FSTL4: variants seen among roughly 807,000 people sequenced by gnomAD.
FSTL4 encodes follistatin like 4.
In FSTL4, 28 loss-of-function variants were observed where a neutral mutation model predicts 78.2. That is an observed-to-expected ratio of 0.36 (90% CI 0.27 to 0.49). The LOEUF (loss-of-function observed/expected upper bound fraction) is 0.49. Among genes scored for constraint, FSTL4 ranks in the 20% least tolerant of loss-of-function variants. The probability of loss-of-function intolerance (pLI) is 0.98; values close to 1 mark genes in which losing one functional copy is unlikely to be tolerated. For missense variants in FSTL4, 922 were observed against 1,084.9 expected, an observed-to-expected ratio of 0.85 and a Z score of 2.11; for synonymous variants, 422 against 440.5, an observed-to-expected ratio of 0.96 and a Z score of 0.53.
intron 3 of FSTL4, among the ~76,000 whole-genome samples, chr5:133,526,625 T>G: frequency 6.6e-6 from 1 of 152,236 alleles, no homozygotes; most frequent in Admixed American, 6.5e-5. Flanking sequence ...CCAACTGAGC[T>G]GGCCAGTGGT....
At chr5:133,793,079 C>T in the FSTL4 span, among the ~76,000 whole-genome samples, 5 of 152,140 alleles carry the variant, frequency 3.3e-5, no homozygotes, top group Admixed American at 6.5e-5. Flanking sequence ...TTAAAATACA[C>T]GGTGTGCTTT....
chr5:133,254,995 G>A (rs1457195923), intron 6 of FSTL4, among the ~76,000 whole-genome samples: 3 of 152,352 alleles, frequency 2.0e-5, no homozygotes, highest in East Asian at 3.9e-4. Context: ...GATGCCACAT[G>A]CAGCCCTCTA....
chr5:133,305,020 C>T lies in FSTL4; in HGVS notation c.727+7634G>A, dbSNP rs1235916303. Among the ~76,000 whole-genome samples the T allele has an allele frequency of 2.6e-5, 4 of 152,308 alleles. No homozygotes were observed. In the East Asian group the frequency reaches 7.7e-4, roughly 29 times the overall value. On this transcript the variant is annotated intron_variant, in intron 6 of 15. Coordinates refer to ENST00000265342, the MANE Select transcript of FSTL4 (RefSeq NM_015082.2). ...CAGCTGTGTTTCTGTCTTTATATAG[C>T]AAGGGAGAGCCAAAAAGGACAGAGT...
intron 4 of FSTL4, among the ~76,000 whole-genome samples, chr5:133,329,068 G>A (rs1172629370): frequency 2.0e-5 from 3 of 152,166 alleles, no homozygotes; most frequent in African/African-American, 4.8e-5. Flanking sequence ...CTTCCTCCGC[G>A]AGTGATCAAG....
At chr5:133,362,502 C>T (rs201231067) in intron 4 of FSTL4, among the ~76,000 whole-genome samples, 19 of 152,332 alleles carry the variant, frequency 1.2e-4, no homozygotes, top group Non-Finnish European at 1.9e-4. Flanking sequence ...TGTTCACTTG[C>T]GTTTTTTGAT....
rs2126822773 is a variant in FSTL4, at chr5:133,249,584, G to A, written c.728-8C>T. ...GGCTGAGCTGAACCACTTCTGCAGA[G>A]GGAAAGGAGGAGGCACGGTCAGGTG... is the stretch of plus-strand genomic sequence containing the variant. On this transcript the variant is annotated splice_polypyrimidine_tract_variant and splice_region_variant and intron_variant, in intron 6 of 15. Transcript: ENST00000265342. 6.2e-7 allele frequency: 1 copy of A among 1,604,916 alleles called. No homozygotes were observed.
chr5:133,810,800 C>A, the FSTL4 span, among the ~76,000 whole-genome samples: 1 of 152,190 alleles, frequency 6.6e-6, no homozygotes, highest in South Asian at 2.1e-4. Flanking sequence ...CTGTTCCTCA[C>A]TGCACATGTG....
intron 3 of FSTL4, among the ~76,000 whole-genome samples, chr5:133,451,715 A>C (rs1757387364): frequency 6.6e-6 from 1 of 152,222 alleles, no homozygotes; most frequent in South Asian, 2.1e-4. Context: ...GAGCAGCCTC[A>C]TCTCAGAGAT....
intron 3 of FSTL4, among the ~76,000 whole-genome samples, chr5:133,475,394 G>T (rs1431726922): frequency 6.6e-6 from 1 of 152,192 alleles, no homozygotes; most frequent in African/African-American, 2.4e-5. Flanking sequence ...GGCCAGGAGG[G>T]TTTTCCAGGG....
chr5:133,445,388 GCTCCCTC>G (rs1757242347), intron 3 of FSTL4, among the ~76,000 whole-genome samples: 1 of 152,114 alleles, frequency 6.6e-6, no homozygotes, highest in Non-Finnish European at 1.5e-5. Context: ...GCCGGGGAGT[GCTCCCTC>G]AGATCACTGC....
the FSTL4 span, among the ~76,000 whole-genome samples, chr5:133,723,741 C>T: frequency 6.6e-6 from 1 of 152,154 alleles, no homozygotes; most frequent in Non-Finnish European, 1.5e-5. Context: ...ATCAGTGAAG[C>T]CTTTTGATCC....
intron 3 of FSTL4, among the ~76,000 whole-genome samples, chr5:133,522,719 G>A (rs143919874): frequency 3.3e-5 from 5 of 152,280 alleles, no homozygotes; most frequent in African/African-American, 1.2e-4. Flanking sequence ...TGGCCCTTCA[G>A]GGCTGAGGGG....
At chr5:133,263,809 G>C (rs1270772568) in intron 6 of FSTL4, among the ~76,000 whole-genome samples, 1 of 152,222 alleles carries the variant, frequency 6.6e-6, no homozygotes, top group Admixed American at 6.5e-5. Context: ...CTACAAGAGA[G>C]AGAAGGGAGA....
chr5:133,691,091 G>A, the FSTL4 span, among the ~76,000 whole-genome samples: 1 of 152,012 alleles, frequency 6.6e-6, no homozygotes, highest in Non-Finnish European at 1.5e-5. Flanking sequence ...TTACCACATC[G>A]GTTTTTCAGG....
rs562919091 is a variant in FSTL4, at chr5:133,521,932, G to T, written c.160+45254C>A. On this transcript the variant is annotated intron_variant, in intron 3 of 15. Coordinates refer to ENST00000265342, the MANE Select transcript of FSTL4 (RefSeq NM_015082.2). ...TTTATAAACTGCAGGGTTGTCCCAAGAGCACTGTGATGCAATTGAGAAGAG... is the reference window on the plus strand; with the variant it reads ...TTTATAAACTGCAGGGTTGTCCCAATAGCACTGTGATGCAATTGAGAAGAG... Among the ~76,000 whole-genome samples the T allele has an allele frequency of 1.4e-4, 21 of 152,274 alleles. No individual in the cohort carries two copies. The South Asian group carries it at 3.9e-3, about 29-fold the overall frequency.
intron 13 of FSTL4, among the ~76,000 whole-genome samples, chr5:133,211,477 CTTTGT>C (rs377764978): frequency 2.0e-5 from 3 of 152,266 alleles, no homozygotes; most frequent in East Asian, 3.9e-4. Flanking sequence ...CCACCTTATA[CTTTGT>C]TTTATTTCAC....
intron 4 of FSTL4, among the ~76,000 whole-genome samples, chr5:133,330,182 G>C (rs1211429849): frequency 1.3e-5 from 2 of 152,134 alleles, no homozygotes; most frequent in Admixed American, 6.5e-5. Flanking sequence ...CATACTGAAA[G>C]GTTTATTTTA....
chr5:133,686,479 T>G, the FSTL4 span, among the ~76,000 whole-genome samples: 5 of 152,242 alleles, frequency 3.3e-5, no homozygotes, highest in Non-Finnish European at 7.3e-5. Context: ...ATCCTTTGGA[T>G]AGTTCATTTT....
intron 3 of FSTL4, among the ~76,000 whole-genome samples, chr5:133,565,113 G>C (rs1001282591): frequency 1.3e-5 from 2 of 152,180 alleles, no homozygotes. Context: ...AGACTCTCCT[G>C]GGCCTTGTAA....
Sources: allele counts gnomAD v4.1 joint callset (sites outside exome capture counted in the v4.1 genomes callset), GRCh38; gene constraint gnomAD v4.1.1; transcripts MANE v1.5; gene names NCBI Gene and HGNC (gene_info 2026-07-23, HGNC 2026-07-21).